Variants in DLC1 observed in about 807,000 individuals in gnomAD.
DLC1 encodes the protein DLC1 Rho GTPase activating protein.
In DLC1, 54 loss-of-function variants were observed where a neutral mutation model predicts 140.3. The ratio of observed to expected loss-of-function variants is 0.38; its 90% CI spans 0.31 to 0.48. DLC1 has a LOEUF of 0.48. Ranked by LOEUF, DLC1 falls within the 20% of genes least tolerant of loss-of-function variation. The pLI is 0.96. For synonymous variants in DLC1, 986 were observed against 728.1 expected (o/e 1.35, Z -5.70); for missense variants, 2,536 against 1,907.0 (o/e 1.33, Z -6.14).
chr8:13,396,874 C>G (rs1837066596), intron 3 of DLC1, among the ~76,000 whole-genome samples: 1 of 152,122 alleles, frequency 6.6e-6, no homozygotes, highest in African/African-American at 2.4e-5. Context: ...CTACCATAAG[C>G]AGACCAAGCA....
chr8:13,130,606 T>A (rs1021875105), intron 5 of DLC1, among the ~76,000 whole-genome samples: 4 of 152,236 alleles, frequency 2.6e-5, no homozygotes, highest in Non-Finnish European at 5.9e-5. Context: ...CATTAAAATT[T>A]GAAACACTGC....
At chr8:13,257,547 G>A (rs1470232763) in intron 5 of DLC1, among the ~76,000 whole-genome samples, 17 of 151,386 alleles carry the variant, frequency 1.1e-4, no homozygotes, top group Admixed American at 9.9e-4. Context: ...TATTTTATAC[G>A]TGTCAGTCAT....
chr8:13,543,819 T>C (rs1490277458), intron 1 of DLC1, among the ~76,000 whole-genome samples: 2 of 152,108 alleles, frequency 1.3e-5, no homozygotes, highest in Non-Finnish European at 2.9e-5. Context: ...CAAAGTGGTA[T>C]AATGGACTTT....
intron 4 of DLC1, among the ~76,000 whole-genome samples, chr8:13,374,805 T>C (rs376105688): frequency 2.2e-4 from 33 of 152,282 alleles, no homozygotes; most frequent in Admixed American, 2.0e-4. Flanking sequence ...ATTTTCACGA[T>C]ATTGATTCTT....
intron 1 of DLC1, among the ~76,000 whole-genome samples, chr8:13,560,602 C>T (rs1473340510): frequency 1.3e-5 from 2 of 152,166 alleles, no homozygotes; most frequent in South Asian, 4.2e-4. Context: ...AACTACACTT[C>T]ATGGGTTAAA....
At chr8:13,582,742 C>T (rs952834240) in intron 1 of DLC1, among the ~76,000 whole-genome samples, 1 of 151,092 alleles carries the variant, frequency 6.6e-6, no homozygotes, top group Non-Finnish European at 1.5e-5. Context: ...CTGACTAATA[C>T]AGTACAGGAA....
intron 4 of DLC1, among the ~76,000 whole-genome samples, chr8:13,356,516 C>G (rs1160843105): frequency 1.3e-5 from 2 of 152,238 alleles, no homozygotes; most frequent in South Asian, 2.1e-4. Flanking sequence ...GTAGACATTT[C>G]TGCTTCCACA....
chr8:13,452,798 G>T (rs1030596518), intron 2 of DLC1, among the ~76,000 whole-genome samples: 16 of 152,176 alleles, frequency 1.1e-4, no homozygotes, highest in East Asian at 3.9e-4. Flanking sequence ...ATACACGCTT[G>T]GTCATTTTGG....
intron 4 of DLC1, among the ~76,000 whole-genome samples, chr8:13,362,328 T>A (rs908780717): frequency 6.6e-6 from 1 of 152,156 alleles, no homozygotes; most frequent in African/African-American, 2.4e-5. Flanking sequence ...AGAGTCTGGC[T>A]TGGAAAAATT....
At chr8:13,503,504 T>A (rs544341663) in intron 1 of DLC1, among the ~76,000 whole-genome samples, 11 of 152,326 alleles carry the variant, frequency 7.2e-5, no homozygotes, top group African/African-American at 2.6e-4. Flanking sequence ...CATGCTCTAT[T>A]TTTGCACTTG....
At position 13,208,341 on chromosome 8, in the gene DLC1, A is replaced by G. The variant is rs1327622607; in HGVS notation, c.1349-92684T>C. Among the ~76,000 whole-genome samples the G allele has an allele frequency of 2.0e-5, 3 of 152,298 alleles. No homozygotes were observed. In the East Asian group the frequency reaches 5.8e-4, roughly 29 times the overall value. ...TCAGTTTCTAGGCAGAGAAGGACTAAATTTAGAAACACAGCCAAAGATTTT... is the reference window on the plus strand; with the variant it reads ...TCAGTTTCTAGGCAGAGAAGGACTAGATTTAGAAACACAGCCAAAGATTTT... On this transcript the variant is annotated intron_variant, in intron 5 of 17. Transcript: ENST00000276297.
chr8:13,116,129 T>A, intron 5 of DLC1: 2 of 986,632 alleles, frequency 2.0e-6, no homozygotes, highest in Non-Finnish European at 2.4e-6. Flanking sequence ...GGGTTGGGTG[T>A]TTCAAAAGCC....
chr8:13,179,498 A>AC (rs1825925645), intron 5 of DLC1, among the ~76,000 whole-genome samples: 1 of 152,128 alleles, frequency 6.6e-6, no homozygotes, highest in Admixed American at 6.6e-5. Flanking sequence ...AGGCAGACAG[A>AC]TTGCTTGAGC....
At chr8:13,236,538 T>A (rs954481916) in intron 5 of DLC1, among the ~76,000 whole-genome samples, 4 of 152,098 alleles carry the variant, frequency 2.6e-5, no homozygotes, top group African/African-American at 7.2e-5. Flanking sequence ...ATTAGTGTAG[T>A]GAACAAAAGA....
At chr8:13,149,815 C>G (rs1823680111) in intron 5 of DLC1, among the ~76,000 whole-genome samples, 1 of 152,204 alleles carries the variant, frequency 6.6e-6, no homozygotes, top group Non-Finnish European at 1.5e-5. Flanking sequence ...GATTGTGAGA[C>G]CAAAGCTCCA....
At chr8:13,572,663 AT>A (rs751857041) in intron 1 of DLC1, among the ~76,000 whole-genome samples, 8 of 152,160 alleles carry the variant, frequency 5.3e-5, no homozygotes, top group Non-Finnish European at 8.8e-5. Flanking sequence ...TCTTTTGTTT[AT>A]GGTGTAAGGG....
intron 1 of DLC1, among the ~76,000 whole-genome samples, chr8:13,514,188 C>T (rs1045280938): frequency 1.3e-5 from 2 of 152,100 alleles, no homozygotes; most frequent in African/African-American, 4.8e-5. Context: ...GCACAAGTCA[C>T]TCGGGTGCTT....
chr8:13,099,068 T>TTTTTTTTTTTTTTTTTTTTTTTGAG (rs1554570957), intron 9 of DLC1, among the ~76,000 whole-genome samples: 1 of 151,852 alleles, frequency 6.6e-6, no homozygotes, highest in Non-Finnish European at 1.5e-5. Context: ...TCACCATTTT[T>TTTTTTTTTTTTTTTTTTTTTTTGAG]AAATGTGCAG....
chr8:13,401,630 G>A lies in DLC1; in HGVS notation c.1024-11C>T. 2 of 1,604,974 alleles carry A rather than the reference G, an allele frequency of 1.2e-6. No homozygotes were observed. The highest frequency in any genetic ancestry group is 4.5e-5 in the East Asian group (2 of 44,764). ...ATCTTCTCTTATTTCCTGAGGAACA[G>A]AACATTTTGTTACTGAATCTGAAAG... On this transcript the variant is annotated splice_polypyrimidine_tract_variant and intron_variant, in intron 2 of 17. Coordinates refer to ENST00000276297, the MANE Select transcript of DLC1 (RefSeq NM_182643.3).
Sources: allele counts gnomAD v4.1 joint callset (sites outside exome capture counted in the v4.1 genomes callset), GRCh38; gene constraint gnomAD v4.1.1; transcripts MANE v1.5; gene names NCBI Gene and HGNC (gene_info 2026-07-23, HGNC 2026-07-21).